Variants in SP140L observed in about 807,000 individuals in gnomAD.
SP140L encodes the protein nuclear body protein SP140-like protein.
In SP140L, 64 loss-of-function variants were observed where a neutral mutation model predicts 84.3. That is an observed-to-expected ratio of 0.76 (90% confidence interval 0.62 to 0.94). The LOEUF is 0.94. Among genes scored for constraint, SP140L ranks in the 40% least tolerant of loss-of-function variants. SP140L has a pLI of 0.00. For synonymous variants in SP140L, 242 were observed against 236.9 expected, an observed-to-expected ratio of 1.02 and a Z score of -0.20; for missense variants, 628 against 692.5, an observed-to-expected ratio of 0.91 and a Z score of 1.05.
intron 3 of SP140L, 132 bp from the exon 4 acceptor site, chr2:230,358,832 A>G (rs1388391248): frequency 1.4e-6 from 1 of 722,866 alleles, no homozygotes; most frequent in Admixed American, 3.4e-5. Flanking sequence ...AATATGTAAA[A>G]ATTATAAAAC....
At chr2:230,398,261 A>G (rs1446390772) in intron 14 of SP140L, among the ~76,000 whole-genome samples, 2 of 152,206 alleles carry the variant, frequency 1.3e-5, no homozygotes, top group Non-Finnish European at 2.9e-5. Flanking sequence ...ACCCTGACCC[A>G]GTGATTCAGA....
intron 2 of SP140L, among the ~76,000 whole-genome samples, chr2:230,349,600 T>A (rs1382320500): frequency 1.3e-5 from 2 of 152,016 alleles, no homozygotes; most frequent in Non-Finnish European, 2.9e-5. Flanking sequence ...AAATGTTTTA[T>A]TATTTTGCCT....
At chr2:230,383,366 C>T in intron 7 of SP140L, 144 bp from the exon 8 acceptor site, 2 of 685,734 alleles carry the variant, frequency 2.9e-6, no homozygotes, top group Middle Eastern at 4.5e-4. Flanking sequence ...ACTCAACTTC[C>T]ACACTGCTAC....
chr2:230,388,679 T>C, intron 10 of SP140L, 46 bp downstream of exon 10: 1 of 1,469,774 alleles, frequency 6.8e-7, no homozygotes, highest in Non-Finnish European at 9.3e-7. Context: ...AAACATCTAA[T>C]TTCCTGTGCT....
At chr2:230,333,454 G>A (rs1053744848) in intron 2 of SP140L, among the ~76,000 whole-genome samples, 3 of 152,016 alleles carry the variant, frequency 2.0e-5, no homozygotes, top group South Asian at 2.1e-4. Context: ...CACCGCGCCC[G>A]ACCCCCATTC....
At chr2:230,351,912 G>A (rs542375942) in intron 2 of SP140L, among the ~76,000 whole-genome samples, 10 of 152,196 alleles carry the variant, frequency 6.6e-5, no homozygotes, top group Non-Finnish European at 1.3e-4. Context: ...GTCCCAGAGT[G>A]CTGGGACTAC....
At position 230,383,567 on chromosome 2, in the gene SP140L, A is replaced by G; in HGVS notation, c.695A>G (p.Gln232Arg). Residue 232 changes from glutamine (Q) to arginine (R), a missense_variant, in exon 8 of 19, where the codon CAA becomes CGA. Around this residue, in one of 4 missense-constraint regions of SP140L, gnomAD observed 525 missense variants for 518.4 expected, o/e 1.01. Transcript: ENST00000415673. Reference sequence around the variant, plus strand: ...GGAACGAGAACGCAGAAAAACAACCAACAAAATGGTAAGCAGGCAAAGTGA... The same window carrying G: ...GGAACGAGAACGCAGAAAAACAACCGACAAAATGGTAAGCAGGCAAAGTGA... ...RMGTRTQKNN[Q>R]QNDNSKADGQ... 1 of 1,603,302 alleles carries G rather than the reference A, an allele frequency of 6.2e-7. No individual in the cohort carries two copies. The highest frequency in any genetic ancestry group is 8.5e-7 in the Non-Finnish European group (1 of 1,174,810).
In SP140L at chr2:230,392,198, G is replaced by C. The variant is rs746567276; in HGVS notation, c.1076G>C (p.Cys359Ser). Residue 359 changes from cysteine (C) to serine (S), a missense_variant, in exon 12 of 19, where the codon TGT becomes TCT. Physicochemically the swap from Cys to Ser is moderately radical, Grantham distance 112. Around this residue, in one of 4 missense-constraint regions of SP140L, gnomAD observed 525 missense variants for 518.4 expected, o/e 1.01. Coordinates refer to ENST00000415673, the MANE Select transcript of SP140L (RefSeq NM_138402.6). ...RSKNWRLSVR[C>S]GGWPLRRLME... is the part of the protein sequence containing the mutation. Reference sequence around the variant, plus strand: ...AAGAACTGGAGGCTGAGTGTGCGCTGTGGCGGGTGGCCCCTACGACGGCTG... The same window carrying C: ...AAGAACTGGAGGCTGAGTGTGCGCTCTGGCGGGTGGCCCCTACGACGGCTG... The C allele has an allele frequency of 6.2e-7, 1 of 1,614,060 alleles. No individual in the cohort carries two copies. Among genetic ancestry groups the C allele is most frequent in the Admixed American group, 1.7e-5 (1 of 60,010 alleles).
At chr2:230,348,432 A>G (rs1248033060) in intron 2 of SP140L, among the ~76,000 whole-genome samples, 4 of 152,188 alleles carry the variant, frequency 2.6e-5, no homozygotes, top group Non-Finnish European at 4.4e-5. Context: ...ATGAATGCAT[A>G]TTAGTATTTT....
intron 2 of SP140L, among the ~76,000 whole-genome samples, chr2:230,342,481 C>A (rs1303549424): frequency 6.6e-6 from 1 of 152,224 alleles, no homozygotes; most frequent in African/African-American, 2.4e-5. Context: ...GAGCTGTAGA[C>A]CGGAGCTGTT....
intron 7 of SP140L, among the ~76,000 whole-genome samples, chr2:230,380,491 T>A (rs1820549): frequency 1.3e-5 from 2 of 151,924 alleles, no homozygotes; most frequent in African/African-American, 4.8e-5. Context: ...TTTTTTAAGA[T>A]AAAATTTACA....
intron 2 of SP140L, among the ~76,000 whole-genome samples, chr2:230,342,544 T>G (rs540574670): frequency 2.6e-5 from 4 of 151,296 alleles, no homozygotes; most frequent in East Asian, 1.9e-4. Flanking sequence ...AATGGAAAGG[T>G]TTTTTTTTCC....
chr2:230,375,995 G>A (rs905183409), intron 7 of SP140L, among the ~76,000 whole-genome samples: 3 of 152,046 alleles, frequency 2.0e-5, no homozygotes, highest in Non-Finnish European at 2.9e-5. Context: ...GACCAAAATC[G>A]AGGAGTTTTT....
At chr2:230,344,741 C>A (rs141843881) in intron 2 of SP140L, among the ~76,000 whole-genome samples, 85 of 152,108 alleles carry the variant, frequency 5.6e-4, no homozygotes, top group African/African-American at 2.0e-3. Context: ...TTTAAATTAC[C>A]CTTTTGGCTT....
At chr2:230,396,667 C>T (rs1420491253) in intron 13 of SP140L, 90 bp from the exon 14 acceptor site, 1 of 1,456,956 alleles carries the variant, frequency 6.9e-7, no homozygotes, top group East Asian at 2.4e-5. Context: ...TTCCTGAATC[C>T]CTTCAAAGAT....
chr2:230,354,928 A>G (rs1311504454), intron 2 of SP140L, among the ~76,000 whole-genome samples: 4 of 149,404 alleles, frequency 2.7e-5, no homozygotes, highest in African/African-American at 7.4e-5. Context: ...AAAGAAAGAA[A>G]AAAGAAAAAG....
intron 2 of SP140L, among the ~76,000 whole-genome samples, chr2:230,332,965 C>T (rs1000347909): frequency 5.3e-5 from 8 of 152,116 alleles, no homozygotes; most frequent in East Asian, 1.9e-4. Flanking sequence ...TTTGGCTTAC[C>T]GCATTATCCA....
chr2:230,358,692 C>A (rs1439824356), intron 3 of SP140L, among the ~76,000 whole-genome samples: 1 of 152,196 alleles, frequency 6.6e-6, no homozygotes, highest in South Asian at 2.1e-4. Flanking sequence ...TCTTAAAGAA[C>A]TTTGAGCCCA....
Position 230,359,119 on chromosome 2 carries a change from A to G in SP140L, c.426A>G (p.Lys142=). The G allele has an allele frequency of 6.2e-7, 1 of 1,601,194 alleles. No homozygotes were observed. The highest frequency in any genetic ancestry group is 1.8e-5 in the Admixed American group (1 of 54,994). ...ACCCCGATTTAATTCACATTTATAAAAGCTTCAAAAATGGTAATTAGGTTT... is the reference window on the plus strand; with the variant it reads ...ACCCCGATTTAATTCACATTTATAAGAGCTTCAAAAATGGTAATTAGGTTT... ...QEYPDLIHIY[K]SFKNAIQDKL... Residue 142 remains lysine (K), a synonymous_variant, in exon 4 of 19, where the codon AAA becomes AAG. Transcript: ENST00000415673.
Sources: gnomAD v4.1 joint callset for allele counts (sites outside exome capture counted in the v4.1 genomes callset) on GRCh38, gnomAD v4.1.1 for gene constraint, gnomAD v4.1.1 regional missense constraint, MANE v1.5 for transcripts, NCBI Gene and HGNC (gene_info 2026-07-23, HGNC 2026-07-21) for gene names.